ZBTB41: variants seen among roughly 807,000 people sequenced by gnomAD.
ZBTB41 encodes the protein zinc finger and BTB domain-containing protein 41.
A neutral mutation model predicts 87.6 loss-of-function variants in ZBTB41; 42 were observed. That is an observed-to-expected ratio of 0.48 (90% CI 0.37 to 0.62). The LOEUF (loss-of-function observed/expected upper bound fraction) is 0.62, where lower values mean the gene tolerates loss of function less well. Ranked by LOEUF, ZBTB41 falls within the 20% of genes least tolerant of loss-of-function variation. The pLI, the probability that ZBTB41 is intolerant of heterozygous loss-of-function variation, is 0.00. For missense variants in ZBTB41, 799 were observed against 1,078.9 expected (o/e 0.74, Z 3.63); for synonymous variants, 364 against 364.0 (o/e 1.00, Z 0.00).
At chr1:197,181,154 TA>T in intron 5 of ZBTB41, 37 bp from the exon 6 acceptor site, 2 of 1,542,966 alleles carry the variant, frequency 1.3e-6, no homozygotes, top group Non-Finnish European at 1.7e-6. Flanking sequence ...ATTTAAAGTT[TA>T]AAGAGGAGAT....
At chr1:197,190,094 T>C (rs1188409956) in intron 4 of ZBTB41, among the ~76,000 whole-genome samples, 11 of 151,038 alleles carry the variant, frequency 7.3e-5, no homozygotes, top group Non-Finnish European at 1.3e-4. Context: ...AATTTTTTTT[T>C]ATTTTTAGTA....
At position 197,154,538 on chromosome 1, in the gene ZBTB41, C is replaced by T. The variant is rs1017330167; in HGVS notation, c.*4821G>A. 1 of 152,030 alleles carries T rather than the reference C, an allele frequency of 6.6e-6. No individual in the cohort carries two copies. Among genetic ancestry groups the T allele is most frequent in the Non-Finnish European group, 1.5e-5 (1 of 67,934 alleles). 9.4% of individuals were successfully genotyped at this position (152,030 alleles called of 1,614,324 possible). ...ACAAAAACCTTCTTTTTCTCATCTT[C>T]CACACATCTTAATCCTATTACATCT... On this transcript the variant is annotated 3_prime_UTR_variant, in exon 11 of 11. Coordinates refer to ENST00000367405, the MANE Select transcript of ZBTB41 (RefSeq NM_194314.3).
chr1:197,173,792 G>A (rs1193445682), intron 9 of ZBTB41, among the ~76,000 whole-genome samples: 3 of 152,022 alleles, frequency 2.0e-5, no homozygotes, highest in Non-Finnish European at 4.4e-5. Flanking sequence ...GGTCACCATG[G>A]GCACATAGAG....
At chr1:197,173,073 G>A (rs1297336730) in intron 9 of ZBTB41, among the ~76,000 whole-genome samples, 3 of 152,000 alleles carry the variant, frequency 2.0e-5, no homozygotes, top group Admixed American at 6.6e-5. Context: ...TGTGAGAATT[G>A]AGATATTTAC....
intron 10 of ZBTB41, among the ~76,000 whole-genome samples, chr1:197,165,402 G>A (rs1479108762): frequency 6.6e-6 from 1 of 152,058 alleles, no homozygotes; most frequent in Non-Finnish European, 1.5e-5. Context: ...GAGGTCAGGA[G>A]ATCGAGACCA....
intron 6 of ZBTB41, among the ~76,000 whole-genome samples, chr1:197,180,101 C>G (rs1465992889): frequency 6.6e-6 from 1 of 152,120 alleles, no homozygotes; most frequent in Non-Finnish European, 1.5e-5. Context: ...GTAACCTACA[C>G]AAACACATAT....
Position 197,157,025 on chromosome 1 carries a change from T to C in ZBTB41, c.*2334A>G, listed in dbSNP as rs1557972009. On this transcript the variant is annotated 3_prime_UTR_variant, in exon 11 of 11. Transcript: ENST00000367405. Reference sequence around the variant, plus strand: ...TATGAGGTTCAAATGAGATAACATATATGAAAGCATTTTATAAAACAGTAA... The same window carrying C: ...TATGAGGTTCAAATGAGATAACATACATGAAAGCATTTTATAAAACAGTAA... 6.6e-6 allele frequency: 1 copy of C among 152,202 alleles called. No homozygotes were observed. Among genetic ancestry groups the C allele is most frequent in the Non-Finnish European group, 1.5e-5 (1 of 67,728 alleles). The allele number at this position is 152,202 out of a possible 1,614,324, so 9.4% of individuals were successfully genotyped here.
chr1:197,173,914 G>A (rs1285192392), intron 9 of ZBTB41, among the ~76,000 whole-genome samples: 1 of 152,056 alleles, frequency 6.6e-6, no homozygotes, highest in Non-Finnish European at 1.5e-5. Flanking sequence ...AAGTGCTACT[G>A]GCATATAATG....
rs367817571 is a variant in ZBTB41, at chr1:197,176,459, A to T, written c.1879+105T>A. On this transcript the variant is annotated intron_variant, in intron 8 of 10. Transcript: ENST00000367405. Reference sequence around the variant, plus strand: ...GAATTACAAAGAAGTGATGAGCATAAACCAAATTATTAAACTTATAGCCAA... The same window carrying T: ...GAATTACAAAGAAGTGATGAGCATATACCAAATTATTAAACTTATAGCCAA... The T allele has an allele frequency of 2.6e-4, 208 of 805,406 alleles. No homozygotes were observed. In the African/African-American group the frequency reaches 3.5e-3, roughly 13 times the overall value. 49.9% of individuals were successfully genotyped at this position (805,406 alleles called of 1,614,324 possible).
chr1:197,160,721 G>A (rs1459698292), intron 10 of ZBTB41, among the ~76,000 whole-genome samples: 1 of 152,100 alleles, frequency 6.6e-6, no homozygotes, highest in Non-Finnish European at 1.5e-5. Context: ...TATCAAAGAT[G>A]TACACACTCT....
At position 197,154,088 on chromosome 1, in the gene ZBTB41, A is replaced by T. The variant is rs1466848126; in HGVS notation, c.*5271T>A. The T allele has an allele frequency of 2.0e-5, 3 of 152,562 alleles. No homozygotes were observed. Among genetic ancestry groups the T allele is most frequent in the Non-Finnish European group, 2.9e-5 (2 of 67,982 alleles). 9.5% of individuals were successfully genotyped at this position (152,562 alleles called of 1,614,324 possible). On this transcript the variant is annotated 3_prime_UTR_variant, in exon 11 of 11. Transcript: ENST00000367405. Reference sequence around the variant, plus strand: ...CAGCCACACTCATCAATTGTAATACAGTTTTATCAATAGGGATAAGAAGAG... The same window carrying T: ...CAGCCACACTCATCAATTGTAATACTGTTTTATCAATAGGGATAAGAAGAG...
intron 9 of ZBTB41, among the ~76,000 whole-genome samples, chr1:197,174,389 A>C (rs1659552490): frequency 6.6e-6 from 1 of 152,132 alleles, no homozygotes; most frequent in South Asian, 2.1e-4. Flanking sequence ...GATTAGAAAA[A>C]TAATTGGTGG....
rs982977277 is a variant in ZBTB41, at chr1:197,157,316, T to C, written c.*2043A>G. On this transcript the variant is annotated 3_prime_UTR_variant, in exon 11 of 11. Transcript: ENST00000367405. The stretch of plus-strand genomic sequence containing the variant: ...ATGTATAATATACCATATACATACA[T>C]GTATATAAATATATATATACTATCT... 6.6e-6 allele frequency: 1 copy of C among 151,926 alleles called. No individual in the cohort carries two copies. The highest frequency in any genetic ancestry group is 1.5e-5 in the Non-Finnish European group (1 of 67,698). 9.4% of individuals were successfully genotyped at this position (151,926 alleles called of 1,614,324 possible). A position where few individuals can be genotyped will look rare whatever the true frequency, so the allele number is the denominator to read the frequency against.
At chr1:197,179,566 C>T (rs1175405996) in intron 6 of ZBTB41, among the ~76,000 whole-genome samples, 2 of 151,900 alleles carry the variant, frequency 1.3e-5, no homozygotes, top group Non-Finnish European at 2.9e-5. Flanking sequence ...CAGCCAAGTC[C>T]TTCTAGAGGT....
In ZBTB41 at chr1:197,166,663, G is replaced by A. The variant is rs571245088; in HGVS notation, c.2074+5497C>T. The stretch of plus-strand genomic sequence containing the variant: ...GTTAGAGATCAGCCTGGCCAAGATG[G>A]TGAAACCTCATCTCTACTTAAAAAA... On this transcript the variant is annotated intron_variant, in intron 10 of 10. Transcript: ENST00000367405. Among the ~76,000 whole-genome samples the A allele has an allele frequency of 2.3e-4, 35 of 149,790 alleles. 1 individual carries two copies. Among genetic ancestry groups the A allele is most frequent in the African/African-American group, 8.5e-4 (35 of 41,212 alleles).
At chr1:197,164,318 A>G (rs1659265576) in intron 10 of ZBTB41, among the ~76,000 whole-genome samples, 1 of 152,044 alleles carries the variant, frequency 6.6e-6, no homozygotes, top group Admixed American at 6.6e-5. Context: ...TGACAACAAC[A>G]ATCCTTAATG....
At chr1:197,190,226 T>A (rs1557985668) in intron 4 of ZBTB41, among the ~76,000 whole-genome samples, 2 of 152,120 alleles carry the variant, frequency 1.3e-5, no homozygotes. Flanking sequence ...CGGCCTTGAG[T>A]GAGCCACTCT....
Position 197,199,945 on chromosome 1 carries a change from C to G in ZBTB41, c.529G>C (p.Glu177Gln). Reference sequence around the variant, plus strand: ...TCTGAATGAAAAGGGGCAACATTTTCGTTATTTAACAACTTCACTGCATCT... The same window carrying G: ...TCTGAATGAAAAGGGGCAACATTTTGGTTATTTAACAACTTCACTGCATCT... ...IIDAVKLLNN[E>Q]NVAPFHSELT... Residue 177 changes from glutamate to glutamine, a missense_variant, in exon 2 of 11, where the codon GAA (glutamate) becomes CAA (glutamine). Coordinates refer to ENST00000367405, the MANE Select transcript of ZBTB41 (RefSeq NM_194314.3). 1.2e-6 allele frequency: 2 copies of G among 1,612,964 alleles called. No homozygotes were observed. The highest frequency in any genetic ancestry group is 1.7e-6 in the Non-Finnish European group (2 of 1,179,442).
Position 197,167,656 on chromosome 1 carries a change from AT to A in ZBTB41, c.2074+4503del, listed in dbSNP as rs1276520911. ...TACAATTTACCACATAAATAAAAAA[AT>A]ATGATCACCTCAATCAATATAGAAA... On this transcript the variant is annotated intron_variant, in intron 10 of 10. Coordinates refer to ENST00000367405, the MANE Select transcript of ZBTB41 (RefSeq NM_194314.3). Among the ~76,000 whole-genome samples the A allele has an allele frequency of 4.6e-5, 7 of 152,328 alleles. No individual in the cohort carries two copies. The East Asian group carries it at 1.4e-3, about 29-fold the overall frequency.
Sources: gnomAD v4.1 joint callset for allele counts (sites outside exome capture counted in the v4.1 genomes callset) on GRCh38, gnomAD v4.1.1 for gene constraint, MANE v1.5 for transcripts, NCBI Gene and HGNC (gene_info 2026-07-23, HGNC 2026-07-21) for gene names.